The following PTPRJ variants were observed in gnomAD, a reference collection of about 807,000 sequenced individuals.
PTPRJ encodes receptor-type tyrosine-protein phosphatase eta.
In PTPRJ, 129 loss-of-function variants were observed where a neutral mutation model predicts 141.3. The observed-to-expected ratio is 0.91, with a 90% CI of 0.79 to 1.06. The LOEUF is 1.06. Among genes scored for constraint, PTPRJ ranks in the 50% least tolerant of loss-of-function variants. The pLI, the probability that PTPRJ is intolerant of heterozygous loss-of-function variation, is 0.00. For synonymous variants in PTPRJ, 610 were observed against 640.5 expected (o/e 0.95, Z 0.72); for missense variants, 1,601 against 1,679.7 (o/e 0.95, Z 0.82).
At chr11:48,161,070 T>G (rs1857759700) in intron 22 of PTPRJ, among the ~76,000 whole-genome samples, 1 of 148,146 alleles carries the variant, frequency 6.8e-6, no homozygotes, top group Admixed American at 6.9e-5. Flanking sequence ...CCCAGCTACT[T>G]GGAAGGCTGA....
chr11:48,035,173 G>A (rs1854087185), intron 1 of PTPRJ, among the ~76,000 whole-genome samples: 1 of 152,146 alleles, frequency 6.6e-6, no homozygotes, highest in Admixed American at 6.6e-5. Flanking sequence ...GTCATGACAG[G>A]ACAGTGGCTC....
intron 1 of PTPRJ, among the ~76,000 whole-genome samples, chr11:48,013,874 C>T (rs922111205): frequency 6.6e-6 from 1 of 152,146 alleles, no homozygotes; most frequent in Non-Finnish European, 1.5e-5. Flanking sequence ...TCCGCTGGCC[C>T]CAGCCTCTGG....
chr11:48,154,412 A>G (rs921718080), intron 19 of PTPRJ, among the ~76,000 whole-genome samples: 4 of 152,244 alleles, frequency 2.6e-5, no homozygotes, highest in Non-Finnish European at 4.4e-5. Context: ...TTTGAGAATT[A>G]ACAATGTCTG....
At chr11:47,981,819 A>G (rs1405556906) in intron 1 of PTPRJ, among the ~76,000 whole-genome samples, 1 of 152,206 alleles carries the variant, frequency 6.6e-6, no homozygotes, top group East Asian at 1.9e-4. Flanking sequence ...ACAGATGGGG[A>G]ACTGAGGGAG....
chr11:48,146,798 G>A, intron 14 of PTPRJ, 78 bp from the exon 15 acceptor site: 2 of 1,127,316 alleles, frequency 1.8e-6, no homozygotes, highest in South Asian at 1.2e-5. Flanking sequence ...TGGTGTTAGG[G>A]TCCCAGGCCA....
At chr11:48,040,931 G>C (rs548034538) in intron 1 of PTPRJ, among the ~76,000 whole-genome samples, 1 of 151,994 alleles carries the variant, frequency 6.6e-6, no homozygotes, top group Non-Finnish European at 1.5e-5. Flanking sequence ...CACTACAGCC[G>C]TGGAGAGCTC....
At chr11:48,013,208 A>C (rs1350516441) in intron 1 of PTPRJ, among the ~76,000 whole-genome samples, 2 of 151,908 alleles carry the variant, frequency 1.3e-5, no homozygotes, top group African/African-American at 2.4e-5. Context: ...ATTTGGGCTC[A>C]TGTTCACCCC....
intron 5 of PTPRJ, among the ~76,000 whole-genome samples, chr11:48,124,274 G>A (rs910908331): frequency 6.6e-6 from 1 of 152,216 alleles, no homozygotes; most frequent in Non-Finnish European, 1.5e-5. Context: ...TCCATGAGGA[G>A]GACAGGCACT....
At chr11:48,109,943 A>T in intron 1 of PTPRJ, 115 bp from the exon 2 acceptor site, 2 of 1,182,700 alleles carry the variant, frequency 1.7e-6, no homozygotes, top group Non-Finnish European at 2.5e-6. Flanking sequence ...ACCTTTGCTT[A>T]ATGTGCTTCT....
At chr11:48,007,156 A>G (rs1854643824) in intron 1 of PTPRJ, among the ~76,000 whole-genome samples, 1 of 151,806 alleles carries the variant, frequency 6.6e-6, no homozygotes, top group Admixed American at 6.6e-5. Flanking sequence ...GCTGGAGTGC[A>G]GTGGCGCAAT....
intron 1 of PTPRJ, among the ~76,000 whole-genome samples, chr11:48,028,387 T>C (rs534824972): frequency 7.9e-4 from 120 of 152,344 alleles, no homozygotes; most frequent in African/African-American, 2.5e-3. Flanking sequence ...TCATCACTGC[T>C]AAAGTAGGCT....
intron 4 of PTPRJ, among the ~76,000 whole-genome samples, chr11:48,122,956 A>G (rs1003848461): frequency 6.6e-5 from 10 of 152,148 alleles, no homozygotes; most frequent in African/African-American, 2.4e-4. Flanking sequence ...GTTCTTGAGC[A>G]AGCCCCCCTG....
chr11:48,119,399 T>C (rs1352092655), intron 3 of PTPRJ, among the ~76,000 whole-genome samples: 2 of 152,128 alleles, frequency 1.3e-5, no homozygotes, highest in Admixed American at 1.3e-4. Context: ...CCTGCCTTAT[T>C]TATTTATTTT....
chr11:47,988,286 C>T (rs1034217343), intron 1 of PTPRJ, among the ~76,000 whole-genome samples: 5 of 152,054 alleles, frequency 3.3e-5, no homozygotes, highest in Non-Finnish European at 5.9e-5. Flanking sequence ...AAAGGGAATG[C>T]ACATATTTAC....
At position 48,123,736 on chromosome 11, in the gene PTPRJ, A is replaced by G; in HGVS notation, c.740A>G (p.Glu247Gly). ...CTTCTTGAAAGCATTGGAAGCCATG[A>G]GGAGTTGACTCAAGACTCAAGACTT... Reference protein sequence around the residue: ...RVLLESIGSHEELTQDSRLQV... With the variant: ...RVLLESIGSHGELTQDSRLQV... The change falls in exon 5 of 25, where the codon GAG (glutamate) becomes GGG (glycine). Residue 247 changes from glutamate to glycine, a missense_variant. Physicochemically the swap from Glu to Gly is moderately conservative, Grantham distance 98 (BLOSUM62 -2). Coordinates refer to ENST00000418331, the MANE Select transcript of PTPRJ (RefSeq NM_002843.4). The G allele has an allele frequency of 6.2e-7, 1 of 1,614,152 alleles. No individual in the cohort carries two copies. The highest frequency in any genetic ancestry group is 8.5e-7 in the Non-Finnish European group (1 of 1,180,024).
In PTPRJ at chr11:48,170,351, G is replaced by A. The variant is rs1384518498; in HGVS notation, c.*2989G>A. 1.3e-5 allele frequency: 2 copies of A among 151,980 alleles called. No individual in the cohort carries two copies. The highest frequency in any genetic ancestry group is 2.9e-5 in the Non-Finnish European group (2 of 68,038). The allele number at this position is 151,980 out of a possible 1,614,324, so 9.4% of individuals were successfully genotyped here. Reference sequence around the variant, plus strand: ...CACTGCAGCCATACTGTGACCTCCAGCCAGACTTCCGCCTAATTGACTCCA... The same window carrying A: ...CACTGCAGCCATACTGTGACCTCCAACCAGACTTCCGCCTAATTGACTCCA... On this transcript the variant is annotated 3_prime_UTR_variant, in exon 25 of 25. Transcript: ENST00000418331.
chr11:48,127,681 C>T (rs970649644), intron 6 of PTPRJ, 99 bp from the exon 7 acceptor site: 3 of 1,268,082 alleles, frequency 2.4e-6, no homozygotes, highest in South Asian at 1.3e-5. Context: ...AACACTCCCC[C>T]AGGAGAGTTT....
chr11:48,146,928 G>T lies in PTPRJ; in HGVS notation c.2964G>T (p.Val988=). 1 of 1,614,126 alleles carries T rather than the reference G, an allele frequency of 6.2e-7. No homozygotes were observed. Among genetic ancestry groups the T allele is most frequent in the Admixed American group, 1.7e-5 (1 of 60,018 alleles). The change falls in exon 15 of 25, where the codon GTG becomes GTT. Residue 988 remains valine, a synonymous_variant. Transcript: ENST00000418331. ...GTATCTTTGGTGCCCTGGTTATTGT[G>T]ACTGTGGGAGGCTTCATCTTCTGGA... ...FGCIFGALVI[V]TVGGFIFWRK... is the part of the protein sequence containing the mutation.
intron 1 of PTPRJ, among the ~76,000 whole-genome samples, chr11:47,992,650 T>G (rs1370951668): frequency 6.6e-6 from 1 of 152,148 alleles, no homozygotes; most frequent in Non-Finnish European, 1.5e-5. Context: ...AATACACACT[T>G]AAGTAAAGTT....
Sources: gnomAD v4.1 joint callset for allele counts (sites outside exome capture counted in the v4.1 genomes callset) on GRCh38, gnomAD v4.1.1 for gene constraint, MANE v1.5 for transcripts, NCBI Gene and HGNC (gene_info 2026-07-23, HGNC 2026-07-21) for gene names.